LINGO1: variants seen among roughly 807,000 people sequenced by gnomAD.
LINGO1 encodes the protein leucine-rich repeat and immunoglobulin-like domain-containing nogo receptor-interacting protein 1.
Under a neutral mutation model 37.3 loss-of-function variants are expected in LINGO1, and 11 were observed. That is an observed-to-expected ratio of 0.29 (90% CI 0.19 to 0.49). The LOEUF is 0.49. Among genes scored for constraint, LINGO1 ranks in the 20% least tolerant of loss-of-function variants. LINGO1 has a pLI of 0.99. For synonymous variants in LINGO1, 387 were observed against 403.0 expected (o/e 0.96, Z 0.48); for missense variants, 585 against 878.2 (o/e 0.67, Z 4.22).
rs2076280758 is a variant in LINGO1, at chr15:77,743,093, G to A, written c.-256-8040C>T. ...GTGGGAGAGATGGAGTGACTGAAAGGGTGGGGGGTGGAAGGAGAGCCCTCC... is the reference window on the plus strand; with the variant it reads ...GTGGGAGAGATGGAGTGACTGAAAGAGTGGGGGGTGGAAGGAGAGCCCTCC... On this transcript the variant is annotated intron_variant, in intron 1 of 3. Transcript: ENST00000561686. Among the ~76,000 whole-genome samples, 8 of 152,188 alleles carry A rather than the reference G, an allele frequency of 5.3e-5. No individual in the cohort carries two copies. In the South Asian group the frequency reaches 1.7e-3, roughly 32 times the overall value.
chr15:77,732,012 G>A lies in LINGO1; in HGVS notation c.-195+2980C>T, dbSNP rs542189827. 9.2e-5 allele frequency among the ~76,000 whole-genome samples: 14 copies of A among 152,264 alleles called. No homozygotes were observed. The East Asian group carries it at 1.4e-3, about 15-fold the overall frequency. On this transcript the variant is annotated intron_variant, in intron 2 of 3. Coordinates refer to the LINGO1 transcript ENST00000561686. ...GCCCACCCCAGCAGCCACCAACCAC[G>A]GCAATGACAATCACAACTCCACTGA...
intron 2 of LINGO1, among the ~76,000 whole-genome samples, chr15:77,702,030 G>A (rs2075790336): frequency 6.6e-6 from 1 of 152,190 alleles, no homozygotes; most frequent in Non-Finnish European, 1.5e-5. Context: ...GAGGGTGTCA[G>A]GGAGGCCCAA....
intron 2 of LINGO1, chr15:77,720,609 G>A (rs1370268611): frequency 6.6e-6 from 1 of 152,216 alleles, no homozygotes; most frequent in Admixed American, 6.5e-5. Context: ...GAGAAAAGCA[G>A]TCCTTACCCC....
intron 3 of LINGO1, among the ~76,000 whole-genome samples, chr15:77,668,905 T>TA (rs1331751006): frequency 1.3e-5 from 2 of 150,004 alleles, no homozygotes; most frequent in African/African-American, 2.5e-5. Flanking sequence ...GAGAAGGAAA[T>TA]AAAAAATCCC....
intron 2 of LINGO1, among the ~76,000 whole-genome samples, chr15:77,724,466 A>G (rs760351324): frequency 2.7e-4 from 41 of 152,146 alleles, no homozygotes; most frequent in Non-Finnish European, 2.9e-4. Context: ...TGTCGAACAC[A>G]TTCCCCCAGC....
chr15:77,709,191 A>AT (rs1249925652), intron 2 of LINGO1, among the ~76,000 whole-genome samples: 1 of 152,172 alleles, frequency 6.6e-6, no homozygotes, highest in Non-Finnish European at 1.5e-5. Flanking sequence ...GCTCTAAAAA[A>AT]CTAATACAAT....
chr15:77,781,271 G>C (rs1417302013), intron 1 of LINGO1, among the ~76,000 whole-genome samples: 1 of 152,160 alleles, frequency 6.6e-6, no homozygotes, highest in African/African-American at 2.4e-5. Flanking sequence ...TCTGCCTCCA[G>C]CAAAGGTAAC....
chr15:77,715,592 A>G (rs554762131), intron 2 of LINGO1, among the ~76,000 whole-genome samples: 2 of 152,360 alleles, frequency 1.3e-5, no homozygotes, highest in East Asian at 3.9e-4. Context: ...GGCAAGTCAC[A>G]TAACAGTACT....
At chr15:77,814,948 G>A (rs1165387909) in intron 1 of LINGO1, among the ~76,000 whole-genome samples, 1 of 152,248 alleles carries the variant, frequency 6.6e-6, no homozygotes, top group African/African-American at 2.4e-5. Context: ...GAGGGTGGCT[G>A]GCACAGCTGG....
intron 1 of LINGO1, among the ~76,000 whole-genome samples, chr15:77,754,149 A>G (rs2076397425): frequency 6.6e-6 from 1 of 151,406 alleles, no homozygotes; most frequent in African/African-American, 2.4e-5. Flanking sequence ...AAAAGGAGGA[A>G]GGGAAAGAGT....
intron 1 of LINGO1, among the ~76,000 whole-genome samples, chr15:77,757,456 C>T (rs1056533529): frequency 6.6e-5 from 10 of 152,242 alleles, no homozygotes; most frequent in Non-Finnish European, 1.3e-4. Flanking sequence ...TGGGCCCCCA[C>T]AGGCTCACAG....
intron 1 of LINGO1, among the ~76,000 whole-genome samples, chr15:77,810,328 A>G (rs887684071): frequency 2.7e-5 from 4 of 150,662 alleles, no homozygotes; most frequent in Non-Finnish European, 4.4e-5. Context: ...ACACATACAC[A>G]TGCACACACA....
At chr15:77,763,520 C>G (rs183493992) in intron 1 of LINGO1, among the ~76,000 whole-genome samples, 1 of 152,156 alleles carries the variant, frequency 6.6e-6, no homozygotes. Flanking sequence ...GCCCACCCCC[C>G]ACTGACTGAC....
At chr15:77,658,263 G>A (rs148859769) in intron 3 of LINGO1, among the ~76,000 whole-genome samples, 6 of 152,368 alleles carry the variant, frequency 3.9e-5, no homozygotes, top group Admixed American at 2.6e-4. Flanking sequence ...GGGCACTGGG[G>A]CTTGGAGAGC....
intron 2 of LINGO1, among the ~76,000 whole-genome samples, chr15:77,716,102 C>A (rs554172744): frequency 6.6e-6 from 1 of 152,278 alleles, no homozygotes; most frequent in East Asian, 1.9e-4. Context: ...CTTCTTATCT[C>A]TATTTTATAG....
chr15:77,615,725 C>A lies in LINGO1; in HGVS notation c.182G>T (p.Arg61Leu). The A allele has an allele frequency of 6.3e-7, 1 of 1,596,214 alleles. No individual in the cohort carries two copies. Among genetic ancestry groups the A allele is most frequent in the Admixed American group, 1.7e-5 (1 of 58,470 alleles). The change falls in exon 2 of 2, where the codon CGC becomes CTC. Residue 61 changes from arginine (R) to leucine (L), a missense_variant. By Grantham distance (102) the Arg-to-Leu change is moderately radical. This residue lies in a region of LINGO1 where 484 missense variants were observed against 735.0 expected (regional missense o/e 0.66). Coordinates refer to ENST00000355300, the MANE Select transcript of LINGO1 (RefSeq NM_032808.7). ...GATGCCCTCGGGGACTGCCACAAAGCGCTTGCGGTGGCACAGCACAGCGCG... is the reference window on the plus strand; with the variant it reads ...GATGCCCTCGGGGACTGCCACAAAGAGCTTGCGGTGGCACAGCACAGCGCG... ...QDRAVLCHRK[R>L]FVAVPEGIPT...
chr15:77,752,136 CG>C (rs1477994660), intron 1 of LINGO1, among the ~76,000 whole-genome samples: 1 of 152,182 alleles, frequency 6.6e-6, no homozygotes, highest in Non-Finnish European at 1.5e-5. Flanking sequence ...GCCAGGAAAA[CG>C]CTGCTGGGGG....
At chr15:77,817,833 G>A (rs1291572616) in intron 1 of LINGO1, among the ~76,000 whole-genome samples, 2 of 152,204 alleles carry the variant, frequency 1.3e-5, no homozygotes, top group Non-Finnish European at 2.9e-5. Context: ...CCTCCTCTGT[G>A]AAATGGATAA....
At chr15:77,764,479 G>T (rs764175915) in intron 1 of LINGO1, among the ~76,000 whole-genome samples, 3 of 152,120 alleles carry the variant, frequency 2.0e-5, no homozygotes, top group Non-Finnish European at 4.4e-5. Flanking sequence ...AAAGAATTCT[G>T]CAAATCAATA....
Sources: gnomAD v4.1 joint callset for allele counts (sites outside exome capture counted in the v4.1 genomes callset) on GRCh38, gnomAD v4.1.1 for gene constraint, gnomAD v4.1.1 regional missense constraint, MANE v1.5 for transcripts, NCBI Gene and HGNC (gene_info 2026-07-23, HGNC 2026-07-21) for gene names.